The following TLDC2 variants were observed in gnomAD, a reference collection of about 807,000 sequenced individuals.
TLDC2 encodes the protein TLD domain-containing protein 2.
A neutral mutation model predicts 27.9 loss-of-function variants in TLDC2; 23 were observed. That is an observed-to-expected ratio of 0.82 (90% confidence interval 0.59 to 1.17). The LOEUF (loss-of-function observed/expected upper bound fraction) is 1.17, where lower values mean the gene tolerates loss of function less well. Among genes scored for constraint, TLDC2 ranks in the 50% most tolerant of loss-of-function variants. The probability of loss-of-function intolerance (pLI) is 0.00; values close to 1 mark genes in which losing one functional copy is unlikely to be tolerated. For missense variants in TLDC2, 286 were observed against 273.4 expected (o/e 1.05, Z -0.32); for synonymous variants, 124 against 107.4 (o/e 1.16, Z -0.96).
chr20:36,887,625 C>A (rs530371069), intron 5 of TLDC2, 97 bp downstream of exon 5: 8 of 1,180,054 alleles, frequency 6.8e-6, no homozygotes, highest in African/African-American at 3.0e-5. Context: ...GATGCAATGG[C>A]GAGGCTAGTG....
chr20:36,890,950 A>G (rs1234064976), intron 6 of TLDC2: 1 of 152,244 alleles, frequency 6.6e-6, no homozygotes, highest in East Asian at 1.9e-4. Flanking sequence ...AGAGTAAACC[A>G]CAATGATTTA....
intron 5 of TLDC2, 100 bp downstream of exon 5, chr20:36,887,628 G>A (rs1989951798): frequency 8.9e-7 from 1 of 1,128,788 alleles, no homozygotes; most frequent in Non-Finnish European, 1.3e-6. Context: ...GCAATGGCGA[G>A]GCTAGTGGGG....
In TLDC2 at chr20:36,877,427, G is replaced by T. The variant is rs137966508; in HGVS notation, c.34-472G>T. Among the ~76,000 whole-genome samples the T allele has an allele frequency of 4.3e-3, 650 of 150,662 alleles. 4 individuals are homozygous for T. The highest frequency in any genetic ancestry group is 0.015 in the African/African-American group (633 of 40,980). On this transcript the variant is annotated intron_variant, in intron 1 of 6. Transcript: ENST00000217320. ...AAGAAAAAAGAAGAAGAAACACACA[G>T]AGATCACAGACAGTGCACACTGAAC...
chr20:36,876,130 G>A (rs1220815690), upstream of TLDC2: 3 of 1,613,518 alleles, frequency 1.9e-6, no homozygotes, highest in East Asian at 6.7e-5. Context: ...GGGCAGGGCT[G>A]AGGATTCACT....
intron 1 of TLDC2, among the ~76,000 whole-genome samples, chr20:36,876,704 TACAC>T (rs917849750): frequency 9.9e-5 from 15 of 151,590 alleles, no homozygotes; most frequent in African/African-American, 2.7e-4. Context: ...AATGCACTCA[TACAC>T]ACTCAAATGC....
At position 36,893,216 on chromosome 20, in the gene TLDC2, T is replaced by A; in HGVS notation, c.*372T>A. On this transcript the variant is annotated 3_prime_UTR_variant, in exon 7 of 7. Coordinates refer to ENST00000217320, the MANE Select transcript of TLDC2 (RefSeq NM_080628.3). ...ATCCAGGGAAACTCCAAATTACATA[T>A]GCCCTGTGCTTGGGGCAAATTAGAA... 3.2e-6 allele frequency: 3 copies of A among 931,834 alleles called. No homozygotes were observed. The highest frequency in any genetic ancestry group is 4.9e-6 in the Non-Finnish European group (3 of 606,412). The allele number at this position is 931,834 out of a possible 1,614,324, so 57.7% of individuals were successfully genotyped here.
Position 36,893,937 on chromosome 20 carries a change from TGAG to T in TLDC2, c.*1094_*1096del. ...GGAGGCTCTGGTGGGAGACTGGAGG[TGAG>T]AAGAGGGCAGAGAAGTCAGGTTTTT... is the stretch of plus-strand genomic sequence containing the variant. On this transcript the variant is annotated 3_prime_UTR_variant, in exon 7 of 7. Transcript: ENST00000217320. The T allele has an allele frequency of 2.5e-6, 1 of 398,606 alleles. No individual in the cohort carries two copies. Among genetic ancestry groups the T allele is most frequent in the East Asian group, 3.6e-5 (1 of 28,082 alleles). 24.7% of individuals were successfully genotyped at this position (398,606 alleles called of 1,614,324 possible).
intron 5 of TLDC2, among the ~76,000 whole-genome samples, chr20:36,887,881 A>T (rs1989958005): frequency 6.6e-6 from 1 of 152,168 alleles, no homozygotes. Flanking sequence ...GACATAACTC[A>T]TTGCAGGAAC....
chr20:36,885,172 C>T (rs866606128), intron 4 of TLDC2, among the ~76,000 whole-genome samples: 3 of 152,118 alleles, frequency 2.0e-5, no homozygotes, highest in Non-Finnish European at 4.4e-5. Context: ...CCACCGTGCC[C>T]GGCCAGAGAA....
At chr20:36,890,326 G>A (rs1247699992) in intron 6 of TLDC2, 9 of 151,858 alleles carry the variant, frequency 5.9e-5, no homozygotes, top group African/African-American at 2.2e-4. Flanking sequence ...AGGTAACCAC[G>A]TTCAGTAACT....
chr20:36,893,339 TC>T lies in TLDC2; in HGVS notation c.*497del, dbSNP rs1217548465. 1 of 517,270 alleles carries T rather than the reference TC, an allele frequency of 1.9e-6. No individual in the cohort carries two copies. Among genetic ancestry groups the T allele is most frequent in the Admixed American group, 3.2e-5 (1 of 30,938 alleles). 32.0% of individuals were successfully genotyped at this position (517,270 alleles called of 1,614,324 possible). ...CATACCACTGCCCACCTCTATGGCC[TC>T]CTTCACACACCTTCACGGAGCACAA... On this transcript the variant is annotated 3_prime_UTR_variant, in exon 7 of 7. Coordinates refer to ENST00000217320, the MANE Select transcript of TLDC2 (RefSeq NM_080628.3).
At chr20:36,885,636 G>A (rs1016082784) in intron 4 of TLDC2, among the ~76,000 whole-genome samples, 5 of 152,162 alleles carry the variant, frequency 3.3e-5, no homozygotes, top group African/African-American at 1.2e-4. Flanking sequence ...AGCATAGGAC[G>A]TATCTTTTAT....
chr20:36,876,311 G>C, intron 1 of TLDC2, 104 bp downstream of exon 1: 2 of 1,490,842 alleles, frequency 1.3e-6, no homozygotes, highest in African/African-American at 2.8e-5. Flanking sequence ...GCAGTGACTT[G>C]TTCCCCTCTC....
At chr20:36,881,118 A>T (rs932188065) in intron 4 of TLDC2, among the ~76,000 whole-genome samples, 2 of 152,168 alleles carry the variant, frequency 1.3e-5, no homozygotes, top group African/African-American at 4.8e-5. Flanking sequence ...ACCGTGGCTC[A>T]TGCCTGTAAT....
chr20:36,886,825 T>A (rs1244005699), intron 4 of TLDC2, among the ~76,000 whole-genome samples: 1 of 152,016 alleles, frequency 6.6e-6, no homozygotes, highest in East Asian at 1.9e-4. Context: ...CTTCTGGCCA[T>A]TGTTAAGGAG....
chr20:36,876,338 G>A (rs781752392), intron 1 of TLDC2, 131 bp downstream of exon 1: 23 of 1,257,008 alleles, frequency 1.8e-5, no homozygotes, highest in Non-Finnish European at 2.2e-5. Flanking sequence ...CTCCCTGGCA[G>A]GCCTGTGGTT....
At chr20:36,879,598 TG>T (rs1239569982) in intron 3 of TLDC2, among the ~76,000 whole-genome samples, 1 of 152,052 alleles carries the variant, frequency 6.6e-6, no homozygotes, top group Non-Finnish European at 1.5e-5. Context: ...CCTAGCACTT[TG>T]GGAGGCTGAG....
chr20:36,878,895 G>GGCAT (rs1989735331), intron 2 of TLDC2, 146 bp from the exon 3 acceptor site: 1 of 1,183,496 alleles, frequency 8.4e-7, no homozygotes, highest in Non-Finnish European at 1.2e-6. Flanking sequence ...TATGGCTGAT[G>GGCAT]GCATGAAAGT....
At chr20:36,876,966 C>T (rs528798079) in intron 1 of TLDC2, among the ~76,000 whole-genome samples, 14 of 152,186 alleles carry the variant, frequency 9.2e-5, no homozygotes, top group African/African-American at 2.9e-4. Context: ...ACAATTCGCA[C>T]AGACAAACAC....
Sources: gnomAD v4.1 joint callset for allele counts (sites outside exome capture counted in the v4.1 genomes callset) on GRCh38, gnomAD v4.1.1 for gene constraint, MANE v1.5 for transcripts, NCBI Gene and HGNC (gene_info 2026-07-23, HGNC 2026-07-21) for gene names.